PPP2R3A: variants seen among roughly 807,000 people sequenced by gnomAD.
PPP2R3A encodes protein phosphatase 2 regulatory subunit B''alpha.
A neutral mutation model predicts 106.9 loss-of-function variants in PPP2R3A; 80 were observed. That is an observed-to-expected ratio of 0.75 (90% CI 0.62 to 0.90). The LOEUF (loss-of-function observed/expected upper bound fraction) is 0.90. Ranked by LOEUF, PPP2R3A falls within the 40% of genes least tolerant of loss-of-function variation. The pLI is 0.00. For synonymous variants in PPP2R3A, 483 were observed against 468.3 expected, an observed-to-expected ratio of 1.03 and a Z score of -0.41; for missense variants, 1,386 against 1,350.4, an observed-to-expected ratio of 1.03 and a Z score of -0.41.
At chr3:136,000,642 A>G (rs1450482396) in intron 1 of PPP2R3A, among the ~76,000 whole-genome samples, 1 of 152,220 alleles carries the variant, frequency 6.6e-6, no homozygotes, top group South Asian at 2.1e-4. Flanking sequence ...GTGCAGGGAC[A>G]TAGTAGAAAA....
chr3:136,028,519 G>T (rs1191074059), intron 3 of PPP2R3A, among the ~76,000 whole-genome samples: 4 of 152,180 alleles, frequency 2.6e-5, no homozygotes, highest in Non-Finnish European at 5.9e-5. Flanking sequence ...CATGCCGGGA[G>T]ACAAGTTGTC....
At chr3:136,106,110 T>C in intron 12 of PPP2R3A, 106 bp from the exon 13 acceptor site, 1 of 938,024 alleles carries the variant, frequency 1.1e-6, no homozygotes, top group South Asian at 1.6e-5. Context: ...AATGAAACAT[T>C]TTTCAGGTAG....
intron 4 of PPP2R3A, among the ~76,000 whole-genome samples, chr3:136,042,453 T>C (rs1470890600): frequency 6.6e-6 from 1 of 152,202 alleles, no homozygotes; most frequent in African/African-American, 2.4e-5. Context: ...TGTTTATCTA[T>C]GTAACAGACG....
intron 11 of PPP2R3A, among the ~76,000 whole-genome samples, chr3:136,102,572 C>T (rs187701539): frequency 9.2e-5 from 14 of 152,140 alleles, no homozygotes; most frequent in South Asian, 2.1e-4. Flanking sequence ...GTCTCGAACT[C>T]CTGACCTCAG....
At chr3:136,096,754 G>A (rs947193862) in intron 10 of PPP2R3A, among the ~76,000 whole-genome samples, 1 of 152,218 alleles carries the variant, frequency 6.6e-6, no homozygotes, top group African/African-American at 2.4e-5. Context: ...GTTTATATTA[G>A]GGGTAAGAAA....
intron 13 of PPP2R3A, among the ~76,000 whole-genome samples, chr3:136,110,397 T>G (rs1937576270): frequency 6.6e-6 from 1 of 152,104 alleles, no homozygotes; most frequent in Non-Finnish European, 1.5e-5. Context: ...AATGAAAGTT[T>G]TATTAAAAAA....
intron 10 of PPP2R3A, among the ~76,000 whole-genome samples, chr3:136,094,233 A>G (rs1347850236): frequency 6.6e-5 from 10 of 152,200 alleles, no homozygotes; most frequent in Middle Eastern, 3.2e-3. Flanking sequence ...GAAATGAGGA[A>G]TGAGTGCTAA....
chr3:135,978,154 A>G (rs1487884718), intron 1 of PPP2R3A, among the ~76,000 whole-genome samples: 1 of 152,230 alleles, frequency 6.6e-6, no homozygotes, highest in African/African-American at 2.4e-5. Context: ...ATCATTATAA[A>G]GTTAGAAACA....
At chr3:136,102,626 C>T (rs903993352) in intron 11 of PPP2R3A, among the ~76,000 whole-genome samples, 1 of 152,034 alleles carries the variant, frequency 6.6e-6, no homozygotes, top group Non-Finnish European at 1.5e-5. Context: ...GGGTTACAGG[C>T]GTGAGTCACC....
intron 13 of PPP2R3A, among the ~76,000 whole-genome samples, chr3:136,142,094 A>G (rs1938895183): frequency 6.6e-6 from 1 of 152,190 alleles, no homozygotes; most frequent in African/African-American, 2.4e-5. Flanking sequence ...TAGTTTGGAA[A>G]CCACAGGTGA....
chr3:136,144,391 TG>T (rs1198492076), intron 13 of PPP2R3A, among the ~76,000 whole-genome samples: 1 of 152,018 alleles, frequency 6.6e-6, no homozygotes, highest in Non-Finnish European at 1.5e-5. Flanking sequence ...GGCCGACCAG[TG>T]GCTCAAGCCT....
At chr3:136,096,429 CAG>C (rs1251953323) in intron 10 of PPP2R3A, among the ~76,000 whole-genome samples, 1 of 152,166 alleles carries the variant, frequency 6.6e-6, no homozygotes, top group Non-Finnish European at 1.5e-5. Flanking sequence ...TGCCTGGTAA[CAG>C]AGGTAGATAT....
At chr3:136,090,035 A>T (rs975380956) in intron 9 of PPP2R3A, among the ~76,000 whole-genome samples, 14 of 152,154 alleles carry the variant, frequency 9.2e-5, no homozygotes, top group African/African-American at 3.4e-4. Context: ...CTAGGTATAG[A>T]ATCATGTTGT....
At chr3:136,063,101 C>T (rs1936136928) in intron 5 of PPP2R3A, among the ~76,000 whole-genome samples, 1 of 152,262 alleles carries the variant, frequency 6.6e-6, no homozygotes, top group East Asian at 1.9e-4. Context: ...GAACAGAGCC[C>T]TCAGAAATAA....
chr3:136,001,201 A>G lies in PPP2R3A; in HGVS notation c.-298A>G. 1 of 445,660 alleles carries G rather than the reference A, an allele frequency of 2.2e-6. No homozygotes were observed. Among genetic ancestry groups the G allele is most frequent in the Non-Finnish European group, 3.9e-6 (1 of 255,120 alleles). The allele number at this position is 445,660 out of a possible 1,614,324, so 27.6% of individuals were successfully genotyped here. A position where few individuals can be genotyped will look rare whatever the true frequency, so the allele number is the denominator to read the frequency against. On this transcript the variant is annotated 5_prime_UTR_variant, in exon 2 of 14. The change abolishes the stop of an existing upstream ORF in the 5' untranslated region. Transcript: ENST00000264977. ...CATGTTATAGAACTGTTGAAGAACT[A>G]AAAGAGGATATTCTTTCATCAAAAT... is the stretch of plus-strand genomic sequence containing the variant.
chr3:136,039,405 C>G (rs918219377), intron 3 of PPP2R3A, among the ~76,000 whole-genome samples: 1 of 152,168 alleles, frequency 6.6e-6, no homozygotes, highest in African/African-American at 2.4e-5. Context: ...TTATTACTTA[C>G]AGCAGCGGTC....
intron 5 of PPP2R3A, among the ~76,000 whole-genome samples, chr3:136,067,620 C>A (rs1281451014): frequency 6.6e-6 from 1 of 152,088 alleles, no homozygotes; most frequent in Non-Finnish European, 1.5e-5. Flanking sequence ...TCAGAAGTTC[C>A]TCCATGAGTA....
At chr3:136,050,382 C>T (rs921799665) in intron 5 of PPP2R3A, among the ~76,000 whole-genome samples, 20 of 152,164 alleles carry the variant, frequency 1.3e-4, no homozygotes, top group African/African-American at 4.1e-4. Context: ...ACCAGGTTGG[C>T]GGATATTTTT....
chr3:136,006,273 A>G (rs542850813), intron 2 of PPP2R3A, among the ~76,000 whole-genome samples: 14 of 152,366 alleles, frequency 9.2e-5, no homozygotes, highest in Admixed American at 7.8e-4. Context: ...GTACTTAATG[A>G]AAAGCTAATT....
Sources: gnomAD v4.1 joint callset for allele counts (sites outside exome capture counted in the v4.1 genomes callset) on GRCh38, gnomAD v4.1.1 for gene constraint, MANE v1.5 for transcripts, NCBI Gene and HGNC (gene_info 2026-07-23, HGNC 2026-07-21) for gene names.